CDH13: variants seen among roughly 807,000 people sequenced by gnomAD.
The protein encoded by CDH13 is cadherin-13.
In CDH13, 24 loss-of-function variants were observed where a neutral mutation model predicts 63.8. The ratio of observed to expected loss-of-function variants is 0.38; its 90% confidence interval spans 0.27 to 0.53. The LOEUF (loss-of-function observed/expected upper bound fraction) is 0.53, where lower values mean the gene tolerates loss of function less well. Ranked by LOEUF, CDH13 falls within the 20% of genes least tolerant of loss-of-function variation. The pLI, the probability that CDH13 is intolerant of heterozygous loss-of-function variation, is 0.85. For missense variants in CDH13, 1,049 were observed against 903.1 expected, an observed-to-expected ratio of 1.16 and a Z score of -2.07; for synonymous variants, 503 against 355.3, an observed-to-expected ratio of 1.42 and a Z score of -4.67.
intron 5 of CDH13, among the ~76,000 whole-genome samples, chr16:83,231,135 C>G (rs545157164): frequency 4.6e-5 from 7 of 152,314 alleles, no homozygotes; most frequent in African/African-American, 1.7e-4. Flanking sequence ...TTCTAGATAA[C>G]TTGCACATCA....
intron 2 of CDH13, among the ~76,000 whole-genome samples, chr16:82,910,081 A>G (rs1205710000): frequency 6.6e-6 from 1 of 152,132 alleles, no homozygotes; most frequent in Non-Finnish European, 1.5e-5. Context: ...CCGGTGTTCA[A>G]TTCTCCACCC....
At chr16:83,357,639 C>T (rs768401499) in intron 6 of CDH13, among the ~76,000 whole-genome samples, 4 of 152,078 alleles carry the variant, frequency 2.6e-5, no homozygotes, top group Non-Finnish European at 4.4e-5. Flanking sequence ...TGGCATCGAG[C>T]GGGCCAAGGT....
At chr16:83,527,834 C>G (rs2074998840) in intron 7 of CDH13, among the ~76,000 whole-genome samples, 1 of 152,152 alleles carries the variant, frequency 6.6e-6, no homozygotes, top group African/African-American at 2.4e-5. Flanking sequence ...TCACTGGTAT[C>G]CATATCACAC....
chr16:83,679,914 C>G (rs1426495538), intron 10 of CDH13, among the ~76,000 whole-genome samples: 2 of 152,114 alleles, frequency 1.3e-5, no homozygotes, highest in Non-Finnish European at 2.9e-5. Context: ...CATGAAAGAG[C>G]TAATGCAATG....
chr16:83,094,178 G>A (rs775388217), intron 3 of CDH13, among the ~76,000 whole-genome samples: 25 of 152,296 alleles, frequency 1.6e-4, no homozygotes, highest in African/African-American at 5.8e-4. Flanking sequence ...AGAAAATGGA[G>A]AAGCTCCCAG....
intron 5 of CDH13, among the ~76,000 whole-genome samples, chr16:83,256,069 T>G (rs1423815090): frequency 1.3e-5 from 2 of 152,246 alleles, no homozygotes; most frequent in African/African-American, 4.8e-5. Context: ...GGTCTCATTT[T>G]GTCACCCAGG....
intron 2 of CDH13, among the ~76,000 whole-genome samples, chr16:82,889,035 G>A (rs2040986650): frequency 6.6e-6 from 1 of 152,128 alleles, no homozygotes; most frequent in Admixed American, 6.6e-5. Flanking sequence ...CATTATTGTG[G>A]CTGACCATGT....
At chr16:83,271,419 T>A (rs1418926763) in intron 5 of CDH13, among the ~76,000 whole-genome samples, 1 of 1,102 alleles carries the variant, frequency 9.1e-4, no homozygotes, top group Non-Finnish European at 4.6e-3. Context: ...GAGGCAGAGT[T>A]CATAAAAAAA....
Position 83,344,855 on chromosome 16 carries a change from C to G in CDH13, c.637-7C>G. The G allele has an allele frequency of 1.9e-6, 3 of 1,613,466 alleles. No individual in the cohort carries two copies. The highest frequency in any genetic ancestry group is 2.5e-6 in the Non-Finnish European group (3 of 1,179,496). On this transcript the variant is annotated splice_polypyrimidine_tract_variant and splice_region_variant and intron_variant, in intron 5 of 13. Transcript: ENST00000567109. Reference sequence around the variant, plus strand: ...TTCTTTCTCCCCCAATCTCTTTGCTCAAATAGCTATTTGTGGAGACCACTG... The same window carrying G: ...TTCTTTCTCCCCCAATCTCTTTGCTGAAATAGCTATTTGTGGAGACCACTG...
At chr16:82,994,961 A>G (rs758658830) in intron 2 of CDH13, among the ~76,000 whole-genome samples, 2 of 152,232 alleles carry the variant, frequency 1.3e-5, no homozygotes, top group Non-Finnish European at 2.9e-5. Context: ...CTTCATGGGT[A>G]AAATTGGGGT....
rs71148805 is a variant in CDH13, at chr16:83,052,776, C to CAAAA, written c.366+20583_366+20586dup. 2.7e-3 allele frequency among the ~76,000 whole-genome samples: 253 copies of CAAAA among 92,770 alleles called. 13 individuals carry two copies. Among genetic ancestry groups the CAAAA allele is most frequent in the Non-Finnish European group, 3.2e-3 (154 of 48,456 alleles). 60.9% of individuals were successfully genotyped at this position (92,770 alleles called of 152,430 possible). On this transcript the variant is annotated intron_variant, in intron 3 of 13. Transcript: ENST00000567109. ...TGGGTGACAGGGCGAGACTTTATCT[C>CAAAA]AAAAAAAAAAAAAAAAAAAAAAAAA...
At chr16:83,211,598 G>A (rs1246157595) in intron 4 of CDH13, among the ~76,000 whole-genome samples, 1 of 152,146 alleles carries the variant, frequency 6.6e-6, no homozygotes, top group Non-Finnish European at 1.5e-5. Context: ...GAACTGAATG[G>A]AACATTGGCT....
intron 10 of CDH13, among the ~76,000 whole-genome samples, chr16:83,710,016 A>T (rs1001067192): frequency 1.3e-5 from 2 of 152,246 alleles, no homozygotes; most frequent in Non-Finnish European, 2.9e-5. Flanking sequence ...TATACTAGAA[A>T]GGTGGTGATC....
intron 5 of CDH13, among the ~76,000 whole-genome samples, chr16:83,321,525 A>ATTTTTTTTTTTTTTTTTTTTTTTTTTTTT (rs10672316): frequency 1.9e-5 from 2 of 103,650 alleles, no homozygotes; most frequent in Non-Finnish European, 1.8e-5. Context: ...GAAATCTGGA[A>ATTTTTTTTTTTTTTTTTTTTTTTTTTTTT]TTTTTTTTTT....
chr16:83,250,212 GA>G (rs963759105), intron 5 of CDH13, among the ~76,000 whole-genome samples: 1 of 151,658 alleles, frequency 6.6e-6, no homozygotes, highest in Non-Finnish European at 1.5e-5. Flanking sequence ...GCCACTATCA[GA>G]AAAAAAACTC....
intron 6 of CDH13, among the ~76,000 whole-genome samples, chr16:83,449,868 C>T (rs1451693715): frequency 6.6e-6 from 1 of 152,196 alleles, no homozygotes; most frequent in Non-Finnish European, 1.5e-5. Flanking sequence ...GCTCAGACCA[C>T]AGATTTGTGC....
chr16:83,592,765 C>T (rs990301919), intron 7 of CDH13, among the ~76,000 whole-genome samples: 3 of 151,920 alleles, frequency 2.0e-5, no homozygotes, highest in Non-Finnish European at 2.9e-5. Context: ...CCCCCAGCCA[C>T]GAATGCAAAA....
At chr16:83,171,390 T>G (rs1467046695) in intron 4 of CDH13, 8 of 766,662 alleles carry the variant, frequency 1.0e-5, no homozygotes, top group Non-Finnish European at 1.7e-5. Context: ...AGGCCCCACC[T>G]CCAACATGGG....
intron 5 of CDH13, among the ~76,000 whole-genome samples, chr16:83,282,027 G>T (rs1185920103): frequency 6.6e-6 from 1 of 152,114 alleles, no homozygotes; most frequent in African/African-American, 2.4e-5. Flanking sequence ...CATTGTAGTG[G>T]TATTCATTGG....
Sources: gnomAD v4.1 joint callset for allele counts (sites outside exome capture counted in the v4.1 genomes callset) on GRCh38, gnomAD v4.1.1 for gene constraint, MANE v1.5 for transcripts, NCBI Gene and HGNC (gene_info 2026-07-23, HGNC 2026-07-21) for gene names.